The following GRAMD2B variants were observed in gnomAD, a reference collection of about 807,000 sequenced individuals.
GRAMD2B encodes the protein GRAM domain-containing protein 2B.
In GRAMD2B, 41 loss-of-function variants were observed where a neutral mutation model predicts 59.2. That is an observed-to-expected ratio of 0.69 (90% CI 0.54 to 0.90). GRAMD2B has a LOEUF of 0.90. GRAMD2B is among the 40% of genes least tolerant of loss of function. The probability of loss-of-function intolerance (pLI) is 0.00; values close to 1 mark genes in which losing one functional copy is unlikely to be tolerated. For missense variants in GRAMD2B, 424 were observed against 500.5 expected, an observed-to-expected ratio of 0.85 and a Z score of 1.46; for synonymous variants, 161 against 182.7, an observed-to-expected ratio of 0.88 and a Z score of 0.96.
chr5:126,428,757 CA>C (rs1430004429), intron 1 of GRAMD2B, among the ~76,000 whole-genome samples: 1 of 152,080 alleles, frequency 6.6e-6, no homozygotes, highest in Non-Finnish European at 1.5e-5. Flanking sequence ...CAAAAGAAGA[CA>C]TATATACAGC....
At chr5:126,368,521 G>A (rs1284542809), upstream of GRAMD2B, among the ~76,000 whole-genome samples, 2 of 152,136 alleles carry the variant, frequency 1.3e-5, no homozygotes, top group Non-Finnish European at 2.9e-5. Flanking sequence ...GAAATTCACC[G>A]GGCAAGCCCC....
intron 1 of GRAMD2B, among the ~76,000 whole-genome samples, chr5:126,400,017 A>G (rs1307567648): frequency 6.7e-6 from 1 of 148,592 alleles, no homozygotes; most frequent in Non-Finnish European, 1.5e-5. Context: ...TTTGTTAATT[A>G]TTTTCTGTTT....
chr5:126,422,202 T>A (rs1167328417), upstream of GRAMD2B, among the ~76,000 whole-genome samples: 4 of 150,032 alleles, frequency 2.7e-5, no homozygotes, highest in Non-Finnish European at 5.9e-5. Context: ...TGCACGGATT[T>A]TTTTTTTTTT....
intron 1 of GRAMD2B, among the ~76,000 whole-genome samples, chr5:126,364,265 G>A (rs1158151851): frequency 6.6e-6 from 1 of 152,144 alleles, no homozygotes; most frequent in Non-Finnish European, 1.5e-5. Flanking sequence ...CAAACAGAAA[G>A]AGTCTGCATT....
intron 1 of GRAMD2B, among the ~76,000 whole-genome samples, chr5:126,365,903 G>T (rs1223450059): frequency 6.6e-6 from 1 of 152,068 alleles, no homozygotes; most frequent in Non-Finnish European, 1.5e-5. Context: ...AGGAACTTGG[G>T]TTTTCAAATT....
chr5:126,365,551 C>T (rs911535080), intron 1 of GRAMD2B, among the ~76,000 whole-genome samples: 8 of 152,110 alleles, frequency 5.3e-5, no homozygotes, highest in South Asian at 2.1e-4. Flanking sequence ...ATGTTTACAG[C>T]GGTGTAAGGG....
At chr5:126,396,258 C>T (rs899154349) in intron 1 of GRAMD2B, among the ~76,000 whole-genome samples, 6 of 152,024 alleles carry the variant, frequency 3.9e-5, no homozygotes, top group African/African-American at 1.5e-4. Context: ...GTTTGTTGTA[C>T]AATTATGTTG....
chr5:126,417,900 G>A (rs373443773), intron 1 of GRAMD2B, among the ~76,000 whole-genome samples: 44 of 151,632 alleles, frequency 2.9e-4, no homozygotes, highest in African/African-American at 9.9e-4. Flanking sequence ...CTCATGAGAC[G>A]ACTGTAATTT....
intron 1 of GRAMD2B, among the ~76,000 whole-genome samples, chr5:126,397,283 G>A (rs528812654): frequency 6.6e-6 from 1 of 152,156 alleles, no homozygotes; most frequent in Non-Finnish European, 1.5e-5. Context: ...GAAACAGAGT[G>A]GTGTGATCTT....
chr5:126,436,199 TAATA>T (rs1233082674), intron 1 of GRAMD2B, among the ~76,000 whole-genome samples: 2 of 152,226 alleles, frequency 1.3e-5, no homozygotes, highest in African/African-American at 4.8e-5. Flanking sequence ...CATTTCAACT[TAATA>T]ATTATACTAG....
upstream of GRAMD2B, among the ~76,000 whole-genome samples, chr5:126,367,995 C>T (rs567305869): frequency 6.6e-6 from 1 of 152,356 alleles, no homozygotes; most frequent in Admixed American, 6.5e-5. Flanking sequence ...TCGTGATCTG[C>T]CCGCGTCGGC....
chr5:126,380,136 T>G lies in GRAMD2B; in HGVS notation c.125+8569T>G, dbSNP rs1240086651. Among the ~76,000 whole-genome samples, 3 of 152,228 alleles carry G rather than the reference T, an allele frequency of 2.0e-5. No individual in the cohort carries two copies. The East Asian group carries it at 5.8e-4, about 29-fold the overall frequency. On this transcript the variant is annotated intron_variant, in intron 1 of 8. Coordinates refer to the GRAMD2B transcript ENST00000506445. ...CATTCTTCTGCATGTGGCTTACCAA[T>G]TATCCCAGCATCATTTGTTGAGTAG...
chr5:126,368,638 ACT>A (rs1451740590), upstream of GRAMD2B, among the ~76,000 whole-genome samples: 3 of 151,506 alleles, frequency 2.0e-5, no homozygotes, highest in African/African-American at 4.9e-5. Context: ...TTTGTTTACC[ACT>A]CTCTGCTGGC....
At chr5:126,380,718 T>A (rs1285514027) in intron 1 of GRAMD2B, among the ~76,000 whole-genome samples, 2 of 152,214 alleles carry the variant, frequency 1.3e-5, no homozygotes, top group Admixed American at 6.5e-5. Context: ...TGTTGGTATA[T>A]AGCAAAGCTA....
chr5:126,375,339 T>C lies in GRAMD2B; in HGVS notation c.125+3772T>C, dbSNP rs114036611. ...TATTGAAATAATAAAAATTTTATTTTTACCTTTCCAAAATTTACTCCTTGA... is the reference window on the plus strand; with the variant it reads ...TATTGAAATAATAAAAATTTTATTTCTACCTTTCCAAAATTTACTCCTTGA... On this transcript the variant is annotated intron_variant, in intron 1 of 8. Transcript: ENST00000506445. Among the ~76,000 whole-genome samples the C allele has an allele frequency of 7.4e-3, 1,119 of 152,214 alleles. 17 individuals are homozygous for C. Among genetic ancestry groups the C allele is most frequent in the African/African-American group, 0.026 (1,065 of 41,552 alleles).
chr5:126,476,778 G>A (rs376959184), intron 5 of GRAMD2B, among the ~76,000 whole-genome samples: 2 of 152,302 alleles, frequency 1.3e-5, no homozygotes. Context: ...AACCAGAAAA[G>A]TATTTAGAAT....
chr5:126,398,872 G>A (rs1217705169), intron 1 of GRAMD2B, among the ~76,000 whole-genome samples: 2 of 152,162 alleles, frequency 1.3e-5, no homozygotes, highest in African/African-American at 4.8e-5. Flanking sequence ...TTATTTAGGA[G>A]TGTGTACTTT....
At chr5:126,400,977 C>G (rs1436017324) in intron 1 of GRAMD2B, among the ~76,000 whole-genome samples, 4 of 151,978 alleles carry the variant, frequency 2.6e-5, no homozygotes, top group Non-Finnish European at 5.9e-5. Flanking sequence ...TGTCCATATC[C>G]CTCCCCAAGA....
chr5:126,423,472 AT>A lies in GRAMD2B; in HGVS notation c.-134del. 3 of 1,448,200 alleles carry A rather than the reference AT, an allele frequency of 2.1e-6. No homozygotes were observed. The highest frequency in any genetic ancestry group is 2.7e-6 in the Non-Finnish European group (3 of 1,106,286). 89.7% of individuals were successfully genotyped at this position (1,448,200 alleles called of 1,614,324 possible). ...GGGAGCTTGGCGCGGCCCGGCCTGGATGCGCTGGGCGGAGGGTGCAGGGGAG... is the reference window on the plus strand; with the variant it reads ...GGGAGCTTGGCGCGGCCCGGCCTGGAGCGCTGGGCGGAGGGTGCAGGGGAG... On this transcript the variant is annotated 5_prime_UTR_variant, in exon 1 of 14. It removes an upstream start codon present in the reference 5' UTR. Coordinates refer to ENST00000285689, the MANE Select transcript of GRAMD2B (RefSeq NM_023927.4).
Sources: allele counts gnomAD v4.1 joint callset (sites outside exome capture counted in the v4.1 genomes callset), GRCh38; gene constraint gnomAD v4.1.1; transcripts MANE v1.5; gene names NCBI Gene and HGNC (gene_info 2026-07-23, HGNC 2026-07-21).